The following MKLN1 variants were observed in gnomAD, a reference collection of about 807,000 sequenced individuals.
The protein encoded by MKLN1 is muskelin.
In MKLN1, 18 loss-of-function variants were observed where a neutral mutation model predicts 99.0. The ratio of observed to expected loss-of-function variants is 0.18; its 90% CI spans 0.13 to 0.27. The LOEUF (loss-of-function observed/expected upper bound fraction) is 0.27. MKLN1 is among the 10% of genes least tolerant of loss of function. The pLI, the probability that MKLN1 is intolerant of heterozygous loss-of-function variation, is 1.00. For synonymous variants in MKLN1, 288 were observed against 293.2 expected (o/e 0.98, Z 0.18); for missense variants, 621 against 875.9 (o/e 0.71, Z 3.67).
In MKLN1 at chr7:131,295,055, G is replaced by A. The variant is rs549809552; in HGVS notation, c.-178-80369G>A. ...AAAACCTAATTTCTTAACCTCTACC[G>A]TGTGACAGGGGAATTCAAATCAAGC... On this transcript the variant is annotated intron_variant, in intron 3 of 7. Transcript: ENST00000416992. 6.6e-5 allele frequency among the ~76,000 whole-genome samples: 10 copies of A among 152,236 alleles called. No homozygotes were observed. In the East Asian group the frequency reaches 7.7e-4, roughly 12 times the overall value.
At chr7:131,175,767 G>A (rs1382286364) in intron 2 of MKLN1, among the ~76,000 whole-genome samples, 1 of 152,134 alleles carries the variant, frequency 6.6e-6, no homozygotes, top group African/African-American at 2.4e-5. Flanking sequence ...GGGTGTGGTG[G>A]CACACGCCTG....
intron 1 of MKLN1, chr7:131,110,316 T>C (rs896812790): frequency 6.1e-6 from 1 of 162,662 alleles, no homozygotes; most frequent in African/African-American, 2.4e-5. Context: ...AGGAGCCCAG[T>C]TTCCAGCTGA....
chr7:131,429,757 A>G (rs900616921), intron 9 of MKLN1, among the ~76,000 whole-genome samples: 3 of 151,858 alleles, frequency 2.0e-5, no homozygotes, highest in Admixed American at 6.5e-5. Flanking sequence ...TTTTTTTTGT[A>G]TTTTAGTAGA....
rs1798567011 is a variant in MKLN1 at position 131,311,722 on chromosome 7, T to C, written c.-178-63702T>C. ...TTAGCCAAAGTGATAATTCAAAGAT[T>C]GCAAAAAGCAAAACCCTTTACTCTT... On this transcript the variant is annotated intron_variant, in intron 3 of 7. Coordinates refer to the MKLN1 transcript ENST00000416992. Among the ~76,000 whole-genome samples, 3 of 152,286 alleles carry C rather than the reference T, an allele frequency of 2.0e-5. No homozygotes were observed. The South Asian group carries it at 6.2e-4, about 32-fold the overall frequency.
At chr7:131,217,460 G>T (rs1044214250) in intron 3 of MKLN1, among the ~76,000 whole-genome samples, 1 of 152,240 alleles carries the variant, frequency 6.6e-6, no homozygotes, top group Non-Finnish European at 1.5e-5. Context: ...CAGTTTGGGA[G>T]GCTGAGGCAG....
chr7:131,346,917 A>T (rs1031690681), intron 1 of MKLN1, among the ~76,000 whole-genome samples: 2 of 152,262 alleles, frequency 1.3e-5, no homozygotes, highest in African/African-American at 4.8e-5. Flanking sequence ...AAGCAAAAAG[A>T]TAAGGAAAAT....
At chr7:131,378,762 C>G (rs1377106215) in intron 2 of MKLN1, among the ~76,000 whole-genome samples, 1 of 151,902 alleles carries the variant, frequency 6.6e-6, no homozygotes, top group Non-Finnish European at 1.5e-5. Flanking sequence ...CCCAGGAGGT[C>G]AAGGCTGCAG....
At chr7:131,371,844 A>C (rs991327012) in intron 1 of MKLN1, among the ~76,000 whole-genome samples, 4 of 151,414 alleles carry the variant, frequency 2.6e-5, no homozygotes, top group Non-Finnish European at 5.9e-5. Context: ...ATTTCTTCTC[A>C]TATTTACTGT....
chr7:131,389,056 G>A, intron 4 of MKLN1, 84 bp downstream of exon 4: 1 of 766,588 alleles, frequency 1.3e-6, no homozygotes, highest in Non-Finnish European at 2.1e-6. Flanking sequence ...AATCCTGCAG[G>A]CCTCTTGTTT....
chr7:131,349,201 C>CTTT (rs11462857), intron 1 of MKLN1, among the ~76,000 whole-genome samples: 4 of 148,130 alleles, frequency 2.7e-5, no homozygotes, highest in African/African-American at 7.4e-5. Context: ...TTAAATCTAT[C>CTTT]TTTTTTTTTT....
At chr7:131,327,711 G>T, upstream of MKLN1, 1 of 1,073,314 alleles carries the variant, frequency 9.3e-7, no homozygotes, top group Non-Finnish European at 1.3e-6. Context: ...TCGGTCAGCC[G>T]TCAAGGAGCG....
chr7:131,445,750 C>CTTTTTT (rs748046772), intron 11 of MKLN1, 24 bp from the exon 12 acceptor site: 2 of 1,221,116 alleles, frequency 1.6e-6, no homozygotes, highest in African/African-American at 1.6e-5. Flanking sequence ...TTACTCCTTT[C>CTTTTTT]TTTTTTTTTT....
chr7:131,459,761 A>G (rs1796460414), intron 12 of MKLN1, among the ~76,000 whole-genome samples: 1 of 152,120 alleles, frequency 6.6e-6, no homozygotes, highest in African/African-American at 2.4e-5. Context: ...CAACATAGAT[A>G]TATGTGTGCA....
At chr7:131,483,003 T>G (rs889931844) in intron 17 of MKLN1, among the ~76,000 whole-genome samples, 1 of 152,200 alleles carries the variant, frequency 6.6e-6, no homozygotes, top group Non-Finnish European at 1.5e-5. Flanking sequence ...TCAGTATGGC[T>G]TCAGAGCGCC....
chr7:131,416,604 A>G (rs1795022482), intron 8 of MKLN1, among the ~76,000 whole-genome samples: 1 of 150,170 alleles, frequency 6.7e-6, no homozygotes, highest in East Asian at 2.0e-4. Context: ...ATATTTTTCT[A>G]TAATATTTTT....
chr7:131,326,896 C>T (rs559456105), upstream of MKLN1: 4 of 152,324 alleles, frequency 2.6e-5, no homozygotes, highest in Non-Finnish European at 4.4e-5. Flanking sequence ...AGTCCAACCT[C>T]TTAGACAATA....
intron 2 of MKLN1, among the ~76,000 whole-genome samples, chr7:131,183,946 T>C (rs1386851204): frequency 1.3e-5 from 2 of 151,574 alleles, no homozygotes; most frequent in African/African-American, 4.9e-5. Flanking sequence ...AAACGATCAG[T>C]GGAGGCCACC....
At chr7:131,450,160 A>G (rs960127661) in intron 12 of MKLN1, among the ~76,000 whole-genome samples, 5 of 152,034 alleles carry the variant, frequency 3.3e-5, no homozygotes, top group African/African-American at 1.2e-4. Flanking sequence ...TCCTCTCCCT[A>G]TGTACCCCTC....
At chr7:131,238,723 T>C (rs1797359513) in intron 3 of MKLN1, among the ~76,000 whole-genome samples, 2 of 152,256 alleles carry the variant, frequency 1.3e-5, no homozygotes, top group Admixed American at 6.5e-5. Flanking sequence ...TAGTGGCTGA[T>C]AGTGGTGGTT....
Sources: allele counts gnomAD v4.1 joint callset (sites outside exome capture counted in the v4.1 genomes callset), GRCh38; gene constraint gnomAD v4.1.1; transcripts MANE v1.5; gene names NCBI Gene and HGNC (gene_info 2026-07-23, HGNC 2026-07-21).